The following HID1 variants were observed in gnomAD, a reference collection of about 807,000 sequenced individuals.
HID1 encodes the protein HID1 domain containing.
HID1 carries 42 observed loss-of-function variants against 89.7 expected under a neutral mutation model. That is an observed-to-expected ratio of 0.47 (90% CI 0.37 to 0.61). HID1 has a LOEUF of 0.61. Among genes scored for constraint, HID1 ranks in the 20% least tolerant of loss-of-function variants. The pLI is 0.00. For synonymous variants in HID1, 442 were observed against 433.8 expected (o/e 1.02, Z -0.24); for missense variants, 854 against 1,039.3 (o/e 0.82, Z 2.45).
In HID1 at chr17:74,951,550, G is replaced by A. The variant is rs543576792; in HGVS notation, c.*20C>T. 24 of 1,605,050 alleles carry A rather than the reference G, an allele frequency of 1.5e-5. No homozygotes were observed. In the African/African-American group the frequency reaches 2.5e-4, roughly 17 times the overall value. ...AAGGCCCTGCCTTCCCCTAGACTGA[G>A]CCCCTCGTCGGCTTCATCCTCACAC... On this transcript the variant is annotated 3_prime_UTR_variant, in exon 19 of 19. Coordinates refer to ENST00000425042, the MANE Select transcript of HID1 (RefSeq NM_030630.3).
chr17:74,961,720 G>T (rs1413771945), intron 6 of HID1, 153 bp downstream of exon 6: 1 of 421,778 alleles, frequency 2.4e-6, no homozygotes, highest in Non-Finnish European at 4.3e-6. Flanking sequence ...GGAGAGACGG[G>T]GCTAGTGTGA....
Position 74,957,598 on chromosome 17 carries a change from A to AT in HID1, c.1471+542dup, listed in dbSNP as rs200735224. 1.3e-3 allele frequency among the ~76,000 whole-genome samples: 198 copies of AT among 147,308 alleles called. 1 individual carries two copies. The highest frequency in any genetic ancestry group is 3.8e-3 in the African/African-American group (153 of 40,082). On this transcript the variant is annotated intron_variant, in intron 12 of 18. Transcript: ENST00000425042. ...TTCAGATGTCAAAAAAAATTGTTAA[A>AT]TTTTTTTTTTTTAAAAAAAGGCCAG...
chr17:74,953,084 C>A lies in HID1; in HGVS notation c.1974G>T (p.Glu658Asp). 6.2e-7 allele frequency: 1 copy of A among 1,603,748 alleles called. No individual in the cohort carries two copies. Among genetic ancestry groups the A allele is most frequent in the East Asian group, 2.3e-5 (1 of 44,436 alleles). ...GCTGCTCCCTCCATGCCTGGCTGGGCTCCTGGCCCCCAGAAAGGAACAGGG... is the reference window on the plus strand; with the variant it reads ...GCTGCTCCCTCCATGCCTGGCTGGGATCCTGGCCCCCAGAAAGGAACAGGG... ...SLEDGSPAKGEPSQAWREQRR... is the reference protein window; with the variant it reads ...SLEDGSPAKGDPSQAWREQRR... The change falls in exon 16 of 19, where the codon GAG becomes GAT. Residue 658 changes from glutamate (E) to aspartate (D), a missense_variant and splice_region_variant. By Grantham distance (45) the Glu-to-Asp change is conservative (BLOSUM62 2). Coordinates refer to ENST00000425042, the MANE Select transcript of HID1 (RefSeq NM_030630.3).
chr17:74,964,687 C>T, intron 1 of HID1, 55 bp from the exon 2 acceptor site: 4 of 1,549,550 alleles, frequency 2.6e-6, no homozygotes, highest in East Asian at 2.3e-5. Flanking sequence ...AGGGCCTACA[C>T]TTTGCCCAAC....
chr17:74,961,988 T>C lies in HID1; in HGVS notation c.613A>G (p.Met205Val). 1.3e-6 allele frequency: 2 copies of C among 1,573,042 alleles called. No individual in the cohort carries two copies. The highest frequency in any genetic ancestry group is 1.7e-6 in the Non-Finnish European group (2 of 1,160,564). ...GTCAGCAGCAGTTTCAGCAGCTCCATCCTTGTAGGAGGAAGGGGGAGGGCA... is the reference window on the plus strand; with the variant it reads ...GTCAGCAGCAGTTTCAGCAGCTCCACCCTTGTAGGAGGAAGGGGGAGGGCA... ...QPNYIHDMNR[M>V]ELLKLLLTCF... The change falls in exon 6 of 19, where the codon ATG (methionine) becomes GTG (valine). Residue 205 changes from methionine (M) to valine (V), a missense_variant and splice_region_variant. By Grantham distance (21) the Met-to-Val change is conservative. Transcript: ENST00000425042.
Position 74,958,318 on chromosome 17 carries a change from C to T in HID1, c.1392+9G>A, listed in dbSNP as rs564287825. On this transcript the variant is annotated intron_variant, in intron 11 of 18. Coordinates refer to ENST00000425042, the MANE Select transcript of HID1 (RefSeq NM_030630.3). This position sits in a 1 kb window ranked among gnomAD's most constrained non-coding sequence, Gnocchi z 5.2. The stretch of plus-strand genomic sequence containing the variant: ...CACCTCCTGGGCCCGGCCGCACGAG[C>T]CCCCTCACCACAATGAGCAGGTCGG... The T allele has an allele frequency of 6.2e-7, 1 of 1,612,708 alleles. No individual in the cohort carries two copies.
At chr17:74,971,386 C>T (rs1055346631) in intron 1 of HID1, among the ~76,000 whole-genome samples, 11 of 152,220 alleles carry the variant, frequency 7.2e-5, no homozygotes, top group African/African-American at 2.2e-4. Context: ...GAGAGAAGTG[C>T]GGTCTGGTTT....
Position 74,958,938 on chromosome 17 carries a change from G to A in HID1, c.1122C>T (p.Leu374=). ...KIQFHQELLV[L]FWKLCDFNKK... is the part of the protein sequence containing the mutation. ...TGTTGAAGTCGCAGAGCTTCCAGAA[G>A]AGAACTAGCAGCTCCTGGTGGAACT... Residue 374 remains leucine (L), a synonymous_variant, in exon 9 of 19, where the codon CTC becomes CTT. Coordinates refer to ENST00000425042, the MANE Select transcript of HID1 (RefSeq NM_030630.3). This position sits in a 1 kb window ranked among gnomAD's most constrained non-coding sequence, Gnocchi z 5.2. The A allele has an allele frequency of 2.5e-6, 4 of 1,602,610 alleles. No individual in the cohort carries two copies. The highest frequency in any genetic ancestry group is 3.4e-6 in the Non-Finnish European group (4 of 1,175,752).
In HID1 at chr17:74,952,183, C is replaced by G. The variant is rs979605964; in HGVS notation, c.2144+86G>C. 27 of 1,528,818 alleles carry G rather than the reference C, an allele frequency of 1.8e-5. No individual in the cohort carries two copies. In the Admixed American group the frequency reaches 4.9e-4, roughly 28 times the overall value. The allele number at this position is 1,528,818 out of a possible 1,614,324, so 94.7% of individuals were successfully genotyped here. On this transcript the variant is annotated intron_variant, in intron 17 of 18. Transcript: ENST00000425042. Reference sequence around the variant, plus strand: ...CCTACCTAAGCCTAGGCTGGCCCCGCCCAGAGCCCACCTGCCCACACCACC... The same window carrying G: ...CCTACCTAAGCCTAGGCTGGCCCCGGCCAGAGCCCACCTGCCCACACCACC...
At chr17:74,952,472 C>G in intron 16 of HID1, 112 bp from the exon 17 acceptor site, 1 of 715,450 alleles carries the variant, frequency 1.4e-6, no homozygotes. Context: ...TACCCCTGCT[C>G]CTTGCAGCAT....
rs779031149 is a variant in HID1 at position 74,955,955 on chromosome 17, C to T, written c.1473G>A (p.Val491=). The change falls in exon 13 of 19, where the codon GTG becomes GTA. Residue 491 remains valine, a splice_region_variant and synonymous_variant. Transcript: ENST00000425042. ...TGGACAGGCTCTTGAGGTAGGGGGA[C>T]ACTGTAAGGGAGGGGTCAGCTCACT... ...FDCLLTIVVN[V]SPYLKSLSMV... 5.6e-6 allele frequency: 9 copies of T among 1,613,470 alleles called. No homozygotes were observed. The highest frequency in any genetic ancestry group is 5.0e-5 in the Admixed American group (3 of 59,990).
intron 12 of HID1, among the ~76,000 whole-genome samples, chr17:74,956,559 C>T (rs1180265158): frequency 1.3e-5 from 2 of 152,138 alleles, no homozygotes; most frequent in Non-Finnish European, 1.5e-5. Flanking sequence ...TTCTCGGAAC[C>T]AGCTCAGTTA....
intron 13 of HID1, among the ~76,000 whole-genome samples, chr17:74,955,560 T>C (rs1388729824): frequency 2.6e-5 from 4 of 151,866 alleles, no homozygotes; most frequent in Non-Finnish European, 4.4e-5. Flanking sequence ...CCTGCCTCCA[T>C]CCCCAGCTAT....
chr17:74,957,186 A>C (rs1290838354), intron 12 of HID1, among the ~76,000 whole-genome samples: 1 of 152,072 alleles, frequency 6.6e-6, no homozygotes, highest in African/African-American at 2.4e-5. Flanking sequence ...AAATAAAATG[A>C]AATATGGCCG....
chr17:74,955,716 T>C (rs900211560), intron 13 of HID1, 76 bp downstream of exon 13: 1 of 1,430,508 alleles, frequency 7.0e-7, no homozygotes, highest in African/African-American at 1.4e-5. Flanking sequence ...GGCCACCTCC[T>C]GGGCTGTGCC....
chr17:74,955,337 T>C (rs1338018253), intron 13 of HID1, among the ~76,000 whole-genome samples: 1 of 151,606 alleles, frequency 6.6e-6, no homozygotes, highest in East Asian at 1.9e-4. Flanking sequence ...TTGTCTCTAT[T>C]AAAAATACAA....
At chr17:74,954,681 T>C in intron 13 of HID1, 1 of 419,344 alleles carries the variant, frequency 2.4e-6, no homozygotes, top group Non-Finnish European at 4.4e-6. Context: ...CATGGCAGCA[T>C]CCACGTCAGG....
chr17:74,952,982 G>T (rs892163119), intron 16 of HID1, 24 bp downstream of exon 16: 14 of 1,573,166 alleles, frequency 8.9e-6, no homozygotes, highest in African/African-American at 1.3e-5. Context: ...GCCCCCGCTC[G>T]CCTGGCACAG....
In HID1 at chr17:74,962,279, C is replaced by G. The variant is rs1279947239; in HGVS notation, c.566G>C (p.Gly189Ala). The change falls in exon 5 of 19, where the codon GGC becomes GCC. Residue 189 changes from glycine (G) to alanine (A), a missense_variant. Coordinates refer to ENST00000425042, the MANE Select transcript of HID1 (RefSeq NM_030630.3). This position sits in a 1 kb window ranked among gnomAD's most constrained non-coding sequence, Gnocchi z 4.3. Reference protein sequence around the residue: ...SCEYIWEAGVGFAHSPQPNYI... With the variant: ...SCEYIWEAGVAFAHSPQPNYI... ...GTTAGGCTGGGGGGAGTGAGCGAAGCCCACACCAGCCTCCCAGATGTATTC... is the reference window on the plus strand; with the variant it reads ...GTTAGGCTGGGGGGAGTGAGCGAAGGCCACACCAGCCTCCCAGATGTATTC... The G allele has an allele frequency of 2.5e-6, 4 of 1,612,100 alleles. No individual in the cohort carries two copies. The highest frequency in any genetic ancestry group is 1.3e-5 in the African/African-American group (1 of 74,898).
Sources: allele counts gnomAD v4.1 joint callset (sites outside exome capture counted in the v4.1 genomes callset), GRCh38; gene constraint gnomAD v4.1.1; non-coding constraint Gnocchi (gnomAD v3.1); transcripts MANE v1.5; gene names NCBI Gene and HGNC (gene_info 2026-07-23, HGNC 2026-07-21).